The following NKIRAS1 variants were observed in gnomAD, a reference collection of about 807,000 sequenced individuals.
NKIRAS1 encodes the protein NFKB inhibitor interacting Ras like 1.
A neutral mutation model predicts 19.8 loss-of-function variants in NKIRAS1; 16 were observed. The observed-to-expected ratio is 0.81, with a 90% CI of 0.55 to 1.23. NKIRAS1 has a LOEUF of 1.23. NKIRAS1 is among the 50% of genes most tolerant of loss of function. The pLI, the probability that NKIRAS1 is intolerant of heterozygous loss-of-function variation, is 0.00. For missense variants in NKIRAS1, 184 were observed against 220.0 expected (o/e 0.84, Z 1.04); for synonymous variants, 88 against 79.0 (o/e 1.11, Z -0.61).
upstream of NKIRAS1, chr3:23,918,224 G>A (rs977510914): frequency 1.1e-6 from 1 of 927,506 alleles, no homozygotes; most frequent in Non-Finnish European, 1.6e-6. Flanking sequence ...TTACAAATCT[G>A]AATGAGTTCA....
At chr3:23,899,465 T>G (rs1702284999) in intron 4 of NKIRAS1, among the ~76,000 whole-genome samples, 1 of 152,214 alleles carries the variant, frequency 6.6e-6, no homozygotes, top group Non-Finnish European at 1.5e-5. Context: ...GTTTGTTTTG[T>G]TTTTTGTTTT....
chr3:23,909,551 T>A (rs372987064), intron 3 of NKIRAS1, among the ~76,000 whole-genome samples: 1 of 152,054 alleles, frequency 6.6e-6, no homozygotes, highest in Non-Finnish European at 1.5e-5. Context: ...GTGCTTTAAG[T>A]TACTTGCCAG....
intron 1 of NKIRAS1, among the ~76,000 whole-genome samples, chr3:23,912,860 T>A (rs965778623): frequency 7.2e-5 from 11 of 152,058 alleles, no homozygotes; most frequent in Admixed American, 2.0e-4. Flanking sequence ...GGCTCATGCC[T>A]GTAATCCCAG....
In NKIRAS1 at chr3:23,926,783, G is replaced by GT. The variant is rs1705222052; in HGVS notation, c.-139-15334dup. Among the ~76,000 whole-genome samples, 1 of 152,194 alleles carries GT rather than the reference G, an allele frequency of 6.6e-6. No homozygotes were observed. Among genetic ancestry groups the GT allele is most frequent in the Non-Finnish European group, 1.5e-5 (1 of 68,018 alleles). ...AGGTTTTGGTCGAAAAAGACCTTTAGTTTTCCATTTGCTGCAATTTGGCTG... is the reference window on the plus strand; with the variant it reads ...AGGTTTTGGTCGAAAAAGACCTTTAGTTTTTCCATTTGCTGCAATTTGGCTG... On this transcript the variant is annotated intron_variant, in intron 1 of 4. Coordinates refer to the NKIRAS1 transcript ENST00000421515. This position sits in a 1 kb window ranked among gnomAD's most constrained non-coding sequence, Gnocchi z 4.3.
At chr3:23,913,722 A>G (rs1243834147) in intron 1 of NKIRAS1, among the ~76,000 whole-genome samples, 3 of 152,240 alleles carry the variant, frequency 2.0e-5, no homozygotes, top group Non-Finnish European at 4.4e-5. Flanking sequence ...CAATAAATGT[A>G]CACCAGTTCC....
chr3:23,911,055 T>G, intron 2 of NKIRAS1, 134 bp from the exon 3 acceptor site: 1 of 674,288 alleles, frequency 1.5e-6, no homozygotes, highest in Non-Finnish European at 2.6e-6. Context: ...AGATATAGAA[T>G]AAGGTATAGC....
At chr3:23,913,209 G>A (rs1253293170) in intron 1 of NKIRAS1, among the ~76,000 whole-genome samples, 1 of 151,996 alleles carries the variant, frequency 6.6e-6, no homozygotes, top group Non-Finnish European at 1.5e-5. Flanking sequence ...AATAAATTGG[G>A]GAGTTCCTTT....
chr3:23,896,683 G>A (rs1377637971), intron 4 of NKIRAS1, among the ~76,000 whole-genome samples: 1 of 150,424 alleles, frequency 6.6e-6, no homozygotes. Flanking sequence ...AAAAAAAACA[G>A]GGGTGGGTGG....
chr3:23,945,289 AGCCGCCCTC>A (rs1705614616), intron 1 of NKIRAS1: 1 of 154,826 alleles, frequency 6.5e-6, no homozygotes, highest in African/African-American at 2.4e-5. Context: ...CCTCCCCGTC[AGCCGCCCTC>A]GCCGCCGCGG....
chr3:23,920,645 G>C (rs1230873143), upstream of NKIRAS1: 3 of 984,962 alleles, frequency 3.0e-6, no homozygotes, highest in Non-Finnish European at 3.6e-6. Flanking sequence ...TTAAATGCTC[G>C]TTCTGAACCA....
rs578174213 is a variant in NKIRAS1 at position 23,900,754 on chromosome 3, A to G, written c.336+54T>C. The G allele has an allele frequency of 2.0e-5, 28 of 1,428,102 alleles. No homozygotes were observed. The African/African-American group carries it at 3.5e-4, about 18-fold the overall frequency. 88.5% of individuals were successfully genotyped at this position (1,428,102 alleles called of 1,614,324 possible). A position where few individuals can be genotyped will look rare whatever the true frequency, so the allele number is the denominator to read the frequency against. ...AATAAACTACCCAAAAGTCTGTGCT[A>G]TAATTTAAATGGTATTATAATTCAC... On this transcript the variant is annotated intron_variant, in intron 4 of 4. Transcript: ENST00000425478.
At chr3:23,946,230 G>GACGCCGC in intron 1 of NKIRAS1, 1 of 985,446 alleles carries the variant, frequency 1.0e-6, no homozygotes, top group Non-Finnish European at 1.2e-6. Context: ...CAGTGCACCG[G>GACGCCGC]ACGCCGCACG....
At chr3:23,894,133 G>A in intron 4 of NKIRAS1, among the ~76,000 whole-genome samples, 1 of 152,166 alleles carries the variant, frequency 6.6e-6, no homozygotes, top group African/African-American at 2.4e-5. Context: ...GTGCCAATAG[G>A]AACATTTTAC....
intron 1 of NKIRAS1, among the ~76,000 whole-genome samples, chr3:23,943,241 C>G (rs962263465): frequency 6.6e-6 from 1 of 152,096 alleles, no homozygotes; most frequent in Admixed American, 6.5e-5. Flanking sequence ...GCCTTTTCTT[C>G]CTTTTTTTGA....
In NKIRAS1 at chr3:23,927,858, T is replaced by C. The variant is rs1461414955; in HGVS notation, c.-139-16408A>G. 6.6e-6 allele frequency among the ~76,000 whole-genome samples: 1 copy of C among 152,098 alleles called. No homozygotes were observed. Among genetic ancestry groups the C allele is most frequent in the African/African-American group, 2.4e-5 (1 of 41,394 alleles). The stretch of plus-strand genomic sequence containing the variant: ...ATTTGGGAGGCCAAAGTGGGAGGAC[T>C]GCTTGAGCCCAGGAGTTCCAGACCA... On this transcript the variant is annotated intron_variant, in intron 1 of 4. Coordinates refer to the NKIRAS1 transcript ENST00000421515. The surrounding 1 kb of genome is among the most constrained non-coding windows in gnomAD (Gnocchi z 4.0).
chr3:23,920,200 C>T (rs1216239666), upstream of NKIRAS1: 7 of 985,706 alleles, frequency 7.1e-6, no homozygotes, highest in Non-Finnish European at 8.4e-6. Context: ...TGAGCTTAGA[C>T]GTCAACCCTA....
chr3:23,925,187 C>T (rs1275401421), intron 1 of NKIRAS1, among the ~76,000 whole-genome samples: 2 of 152,152 alleles, frequency 1.3e-5, no homozygotes, highest in Non-Finnish European at 2.9e-5. Flanking sequence ...TAATCCATTT[C>T]GTTTCTCTTT....
Position 23,927,155 on chromosome 3 carries a change from A to G in NKIRAS1, c.-139-15705T>C, listed in dbSNP as rs1035029795. Among the ~76,000 whole-genome samples, 12 of 152,364 alleles carry G rather than the reference A, an allele frequency of 7.9e-5. No individual in the cohort carries two copies. Among genetic ancestry groups the G allele is most frequent in the African/African-American group, 2.6e-4 (11 of 41,584 alleles). The stretch of plus-strand genomic sequence containing the variant: ...CATATAGTTTTCAACCTATTTTTAT[A>G]TAAGAAAAATAAACTGAAAATAAAG... On this transcript the variant is annotated intron_variant, in intron 1 of 4. Transcript: ENST00000421515. This position sits in a 1 kb window ranked among gnomAD's most constrained non-coding sequence, Gnocchi z 4.0.
intron 1 of NKIRAS1, among the ~76,000 whole-genome samples, chr3:23,911,838 C>T (rs1226095906): frequency 1.4e-5 from 2 of 147,616 alleles, no homozygotes; most frequent in Non-Finnish European, 3.0e-5. Flanking sequence ...TTTCGGTTCA[C>T]TGCAACCTCC....
Sources: allele counts gnomAD v4.1 joint callset (sites outside exome capture counted in the v4.1 genomes callset), GRCh38; gene constraint gnomAD v4.1.1; non-coding constraint Gnocchi (gnomAD v3.1); transcripts MANE v1.5; gene names NCBI Gene and HGNC (gene_info 2026-07-23, HGNC 2026-07-21).